The following ELOVL4 variants were observed in gnomAD, a reference collection of about 807,000 sequenced individuals.
ELOVL4 encodes the protein very long chain fatty acid elongase 4.
A neutral mutation model predicts 42.1 loss-of-function variants in ELOVL4; 18 were observed. The observed-to-expected ratio is 0.43, with a 90% CI of 0.30 to 0.63. The LOEUF (loss-of-function observed/expected upper bound fraction) is 0.63, where lower values mean the gene tolerates loss of function less well. Ranked by LOEUF, ELOVL4 falls within the 30% of genes least tolerant of loss-of-function variation. The pLI is 0.15. For missense variants in ELOVL4, 299 were observed against 376.2 expected (o/e 0.79, Z 1.70); for synonymous variants, 117 against 127.0 (o/e 0.92, Z 0.53).
intron 5 of ELOVL4, among the ~76,000 whole-genome samples, chr6:79,919,073 C>A (rs1344408518): frequency 6.6e-6 from 1 of 151,212 alleles, no homozygotes; most frequent in Non-Finnish European, 1.5e-5. Flanking sequence ...AAGAAAATCA[C>A]CTGTAGGGAA....
intron 2 of ELOVL4, among the ~76,000 whole-genome samples, chr6:79,925,922 C>T (rs1316469199): frequency 1.3e-5 from 2 of 152,090 alleles, no homozygotes; most frequent in East Asian, 3.9e-4. Flanking sequence ...GAAAACGAGG[C>T]TAAGAAAAGT....
chr6:79,944,049 C>T (rs2127702784), intron 1 of ELOVL4, among the ~76,000 whole-genome samples: 1 of 152,308 alleles, frequency 6.6e-6, no homozygotes, highest in South Asian at 2.1e-4. Flanking sequence ...CATGGCCTCA[C>T]AGGAGACACC....
intron 1 of ELOVL4, among the ~76,000 whole-genome samples, chr6:79,930,071 T>C (rs1774417516): frequency 6.6e-6 from 1 of 152,240 alleles, no homozygotes; most frequent in African/African-American, 2.4e-5. Context: ...TCCTCCTCTA[T>C]GCTGGCATAA....
At chr6:79,940,522 A>G (rs1046982692) in intron 1 of ELOVL4, among the ~76,000 whole-genome samples, 1 of 152,198 alleles carries the variant, frequency 6.6e-6, no homozygotes, top group African/African-American at 2.4e-5. Context: ...TCATATATAA[A>G]GTGTTTATAA....
rs549285879 is a variant in ELOVL4, at chr6:79,943,657, C to T, written c.100+3523G>A. ...TCAAGGAAAGGGGAATGACAGTGAC[C>T]CCCTAGACTTTGCAAGATGCATGAG... On this transcript the variant is annotated intron_variant, in intron 1 of 5. Transcript: ENST00000369816. Among the ~76,000 whole-genome samples, 11 of 152,232 alleles carry T rather than the reference C, an allele frequency of 7.2e-5. No individual in the cohort carries two copies. The South Asian group carries it at 2.3e-3, about 32-fold the overall frequency.
At chr6:79,943,886 C>T (rs1774690551) in intron 1 of ELOVL4, among the ~76,000 whole-genome samples, 1 of 152,186 alleles carries the variant, frequency 6.6e-6, no homozygotes. Context: ...TATGTTCTAA[C>T]TGCAACTACC....
At chr6:79,933,324 G>A (rs1302084903) in intron 1 of ELOVL4, among the ~76,000 whole-genome samples, 1 of 152,138 alleles carries the variant, frequency 6.6e-6, no homozygotes, top group African/African-American at 2.4e-5. Flanking sequence ...TCCACCTCCA[G>A]GGCGTAAGCG....
intron 1 of ELOVL4, among the ~76,000 whole-genome samples, chr6:79,926,678 G>T (rs1774348120): frequency 6.6e-6 from 1 of 152,150 alleles, no homozygotes; most frequent in Non-Finnish European, 1.5e-5. Context: ...GTTATCTTGG[G>T]ATGAAAAGTT....
chr6:79,938,200 C>T (rs931700489), intron 1 of ELOVL4, among the ~76,000 whole-genome samples: 1 of 152,218 alleles, frequency 6.6e-6, no homozygotes, highest in African/African-American at 2.4e-5. Flanking sequence ...TTCCTTCTCT[C>T]CTTGTTTCCA....
chr6:79,936,774 C>T (rs1218150169), intron 1 of ELOVL4, among the ~76,000 whole-genome samples: 1 of 152,104 alleles, frequency 6.6e-6, no homozygotes, highest in Admixed American at 6.6e-5. Flanking sequence ...AAAGGCAGAA[C>T]TAGAAGAGAA....
chr6:79,931,175 T>A (rs1413771645), intron 1 of ELOVL4, among the ~76,000 whole-genome samples: 1 of 152,218 alleles, frequency 6.6e-6, no homozygotes, highest in Non-Finnish European at 1.5e-5. Flanking sequence ...ATTATTTTTA[T>A]ATTTTATACT....
chr6:79,927,540 A>G (rs1469579948), intron 1 of ELOVL4, among the ~76,000 whole-genome samples: 1 of 152,132 alleles, frequency 6.6e-6, no homozygotes, highest in Non-Finnish European at 1.5e-5. Flanking sequence ...TACCTTACTT[A>G]AAAAATTAAT....
At chr6:79,933,366 G>T (rs1774485076) in intron 1 of ELOVL4, among the ~76,000 whole-genome samples, 1 of 152,094 alleles carries the variant, frequency 6.6e-6, no homozygotes, top group African/African-American at 2.4e-5. Flanking sequence ...AAGTAGCTTG[G>T]ACTACAGGTG....
intron 4 of ELOVL4, 125 bp from the exon 5 acceptor site, chr6:79,919,672 G>GA: frequency 2.3e-6 from 2 of 880,962 alleles, no homozygotes. Context: ...GATTAGAAAT[G>GA]AAAAATATAA....
chr6:79,939,503 C>CTTTATTTATTTA (rs70977795), intron 1 of ELOVL4, among the ~76,000 whole-genome samples: 303 of 145,534 alleles, frequency 2.1e-3, no homozygotes, highest in Middle Eastern at 0.01. Flanking sequence ...AATTTGACTA[C>CTTTATTTATTTA]TTTATTTATT....
At chr6:79,929,576 G>C in intron 1 of ELOVL4, among the ~76,000 whole-genome samples, 1 of 152,256 alleles carries the variant, frequency 6.6e-6, no homozygotes, top group Non-Finnish European at 1.5e-5. Context: ...ACATTTTCCA[G>C]GAAGCTCTAA....
At chr6:79,929,671 A>C (rs1420392854) in intron 1 of ELOVL4, among the ~76,000 whole-genome samples, 1 of 152,222 alleles carries the variant, frequency 6.6e-6, no homozygotes, top group African/African-American at 2.4e-5. Flanking sequence ...TTAACTTCTG[A>C]AAATTGTTAC....
chr6:79,939,858 A>G (rs1310514800), intron 1 of ELOVL4, among the ~76,000 whole-genome samples: 3 of 152,180 alleles, frequency 2.0e-5, no homozygotes, highest in Admixed American at 6.5e-5. Flanking sequence ...TGCCACATAC[A>G]TAATTATCTT....
intron 4 of ELOVL4, among the ~76,000 whole-genome samples, 192 bp downstream of exon 4, chr6:79,921,433 C>A (rs1292444252): frequency 8.0e-6 from 1 of 124,558 alleles, no homozygotes; most frequent in Admixed American, 1.0e-4. Flanking sequence ...TGCACTCCAG[C>A]CTGGTGACAG....
Sources: gnomAD v4.1 joint callset for allele counts (sites outside exome capture counted in the v4.1 genomes callset) on GRCh38, gnomAD v4.1.1 for gene constraint, MANE v1.5 for transcripts, NCBI Gene and HGNC (gene_info 2026-07-23, HGNC 2026-07-21) for gene names.